ATXN7L1: variants seen among roughly 807,000 people sequenced by gnomAD.
ATXN7L1 encodes the protein ataxin 7 like 1.
Under a neutral mutation model 70.8 loss-of-function variants are expected in ATXN7L1, and 15 were observed. The ratio of observed to expected loss-of-function variants is 0.21; its 90% CI spans 0.14 to 0.33. The LOEUF is 0.33. ATXN7L1 is among the 10% of genes least tolerant of loss of function. ATXN7L1 has a pLI of 1.00. For missense variants in ATXN7L1, 975 were observed against 1,097.1 expected (o/e 0.89, Z 1.57); for synonymous variants, 440 against 445.1 (o/e 0.99, Z 0.14).
chr7:105,787,530 A>G (rs1585004511), intron 3 of ATXN7L1, among the ~76,000 whole-genome samples: 1 of 152,198 alleles, frequency 6.6e-6, no homozygotes, highest in East Asian at 1.9e-4. Context: ...TATCATATAC[A>G]TACATATACA....
intron 3 of ATXN7L1, among the ~76,000 whole-genome samples, chr7:105,672,254 C>G (rs1258874612): frequency 1.3e-5 from 2 of 152,158 alleles, no homozygotes; most frequent in African/African-American, 4.8e-5. Context: ...CCACTGCACT[C>G]CAGTCTCGGC....
At chr7:105,723,060 C>G (rs1042979964) in intron 3 of ATXN7L1, among the ~76,000 whole-genome samples, 2 of 152,108 alleles carry the variant, frequency 1.3e-5, no homozygotes, top group Non-Finnish European at 2.9e-5. Flanking sequence ...ATGTACAGCA[C>G]CACTGCCAGT....
At chr7:105,639,749 C>G (rs1230583707) in intron 5 of ATXN7L1, among the ~76,000 whole-genome samples, 180 bp from the exon 6 acceptor site, 1 of 152,176 alleles carries the variant, frequency 6.6e-6, no homozygotes, top group Non-Finnish European at 1.5e-5. Context: ...CTTCCAGAAC[C>G]GCTCGGGGAA....
chr7:105,662,027 T>TTTCCTTCCTTCC (rs1231104302), intron 4 of ATXN7L1, among the ~76,000 whole-genome samples: 280 of 48,862 alleles, frequency 5.7e-3, no homozygotes, highest in African/African-American at 0.011. Context: ...TCTTTCTTTC[T>TTTCCTTCCTTCC]TTCCTTCCTT....
chr7:105,721,130 C>T (rs1795133257), intron 3 of ATXN7L1, among the ~76,000 whole-genome samples: 1 of 152,162 alleles, frequency 6.6e-6, no homozygotes, highest in Non-Finnish European at 1.5e-5. Context: ...CGGTCCAGAA[C>T]ACGGGGTCCC....
At chr7:105,780,732 T>G (rs1803405609) in intron 3 of ATXN7L1, among the ~76,000 whole-genome samples, 1 of 152,098 alleles carries the variant, frequency 6.6e-6, no homozygotes, top group African/African-American at 2.4e-5. Flanking sequence ...TATTTTGAAG[T>G]GGAAAGGACT....
chr7:105,620,740 C>T (rs1433462557), intron 8 of ATXN7L1, among the ~76,000 whole-genome samples: 1 of 151,816 alleles, frequency 6.6e-6, no homozygotes, highest in Admixed American at 6.6e-5. Context: ...ACTAAAAATA[C>T]AAAAATTAGC....
At chr7:105,756,480 C>T (rs1936995452) in intron 3 of ATXN7L1, among the ~76,000 whole-genome samples, 2 of 152,184 alleles carry the variant, frequency 1.3e-5, no homozygotes, top group South Asian at 2.1e-4. Flanking sequence ...GTAGGAAACA[C>T]ATTTGGAAAG....
At chr7:105,629,871 A>G (rs1368397147) in intron 7 of ATXN7L1, among the ~76,000 whole-genome samples, 1 of 143,888 alleles carries the variant, frequency 6.9e-6, no homozygotes, top group South Asian at 2.3e-4. Flanking sequence ...AGGCTGGAGT[A>G]CAGTGGTGTA....
intron 3 of ATXN7L1, among the ~76,000 whole-genome samples, chr7:105,691,201 C>T (rs771284803): frequency 1.4e-4 from 21 of 152,178 alleles, no homozygotes; most frequent in Non-Finnish European, 2.1e-4. Context: ...TCATTTCAGA[C>T]GTTTGAAACA....
intron 2 of ATXN7L1, among the ~76,000 whole-genome samples, chr7:105,790,193 CT>C (rs1804932830): frequency 1.3e-5 from 2 of 152,262 alleles, no homozygotes; most frequent in South Asian, 2.1e-4. Context: ...TATAGAGTTT[CT>C]TTTTGGGTCA....
At chr7:105,628,079 G>A (rs1015514007) in intron 7 of ATXN7L1, among the ~76,000 whole-genome samples, 11 of 151,440 alleles carry the variant, frequency 7.3e-5, no homozygotes, top group Non-Finnish European at 1.3e-4. Context: ...TCTTGACCTC[G>A]TGATCCACCC....
chr7:105,773,721 G>A (rs1006785682), intron 3 of ATXN7L1, among the ~76,000 whole-genome samples: 3 of 152,018 alleles, frequency 2.0e-5, no homozygotes, highest in African/African-American at 7.3e-5. Context: ...CCAGTCCAAT[G>A]CAACTCCAGT....
At chr7:105,840,917 T>A (rs1016311387) in intron 2 of ATXN7L1, among the ~76,000 whole-genome samples, 5 of 152,234 alleles carry the variant, frequency 3.3e-5, no homozygotes, top group African/African-American at 1.2e-4. Context: ...TCAGAACCCT[T>A]ATAGGGACAT....
intron 7 of ATXN7L1, among the ~76,000 whole-genome samples, chr7:105,626,155 G>C (rs374704358): frequency 1.6e-4 from 25 of 152,282 alleles, no homozygotes; most frequent in African/African-American, 5.8e-4. Flanking sequence ...ATCAACAGAT[G>C]ACAAGATAAA....
At chr7:105,788,847 C>G (rs1804705740) in intron 2 of ATXN7L1, 139 bp from the exon 3 acceptor site, 2 of 689,498 alleles carry the variant, frequency 2.9e-6, no homozygotes, top group East Asian at 2.8e-5. Context: ...CTAACGGGAA[C>G]TCGGTTTGTC....
intron 2 of ATXN7L1, among the ~76,000 whole-genome samples, chr7:105,835,148 G>GTTTTTT (rs779946678): frequency 4.7e-5 from 4 of 85,042 alleles, no homozygotes; most frequent in East Asian, 6.5e-4. Context: ...ATAAGTGTGT[G>GTTTTTT]GTTTTTTTTT....
chr7:105,620,861 C>T (rs1322893593), intron 8 of ATXN7L1, among the ~76,000 whole-genome samples: 2 of 150,422 alleles, frequency 1.3e-5, no homozygotes, highest in Non-Finnish European at 3.0e-5. Flanking sequence ...TGCCACTGCA[C>T]TCCAGCCTGG....
chr7:105,702,705 C>T (rs1363938899), intron 3 of ATXN7L1, among the ~76,000 whole-genome samples: 4 of 152,192 alleles, frequency 2.6e-5, no homozygotes, highest in Non-Finnish European at 2.9e-5. Flanking sequence ...TGAGGCCTGG[C>T]GTGGTGGCTC....
Sources: gnomAD v4.1 joint callset for allele counts (sites outside exome capture counted in the v4.1 genomes callset) on GRCh38, gnomAD v4.1.1 for gene constraint, MANE v1.5 for transcripts, NCBI Gene and HGNC (gene_info 2026-07-23, HGNC 2026-07-21) for gene names.